HDAC9: variants seen among roughly 807,000 people sequenced by gnomAD.
The protein encoded by HDAC9 is MEF-2 interacting transcription repressor (MITR) protein.
HDAC9 carries 41 observed loss-of-function variants against 139.4 expected under a neutral mutation model. The observed-to-expected ratio is 0.29, with a 90% confidence interval of 0.23 to 0.38. HDAC9 has a LOEUF of 0.38. Among genes scored for constraint, HDAC9 ranks in the 10% least tolerant of loss-of-function variants. The pLI is 1.00. For missense variants in HDAC9, 1,147 were observed against 1,297.0 expected (o/e 0.88, Z 1.78); for synonymous variants, 517 against 476.2 (o/e 1.09, Z -1.12).
At chr7:18,716,202 G>A (rs1784687309) in intron 12 of HDAC9, among the ~76,000 whole-genome samples, 1 of 152,162 alleles carries the variant, frequency 6.6e-6, no homozygotes, top group Non-Finnish European at 1.5e-5. Context: ...AACCAGACAA[G>A]GGATGCTAAT....
chr7:18,563,938 C>G (rs897382451), intron 2 of HDAC9, among the ~76,000 whole-genome samples: 1 of 150,800 alleles, frequency 6.6e-6, no homozygotes, highest in Non-Finnish European at 1.5e-5. Flanking sequence ...TAGGTTCAAG[C>G]AATTCTCCTG....
chr7:18,602,734 T>G (rs1834324041), intron 6 of HDAC9, among the ~76,000 whole-genome samples: 1 of 152,112 alleles, frequency 6.6e-6, no homozygotes, highest in Admixed American at 6.5e-5. Context: ...ATTTAATTTC[T>G]AATTACTTGA....
chr7:18,224,683 A>G (rs1166907652), intron 2 of HDAC9, among the ~76,000 whole-genome samples: 1 of 152,176 alleles, frequency 6.6e-6, no homozygotes, highest in Non-Finnish European at 1.5e-5. Flanking sequence ...CCCATAACCA[A>G]GAGAAAGGAG....
At chr7:18,435,845 C>A (rs1585884624) in intron 1 of HDAC9, among the ~76,000 whole-genome samples, 1 of 149,706 alleles carries the variant, frequency 6.7e-6, no homozygotes, top group South Asian at 2.1e-4. Flanking sequence ...ATGTCCAAGA[C>A]ATGTTGCTAA....
At chr7:18,667,706 A>T (rs1203303230) in intron 12 of HDAC9, 1 of 985,130 alleles carries the variant, frequency 1.0e-6, no homozygotes, top group Non-Finnish European at 1.2e-6. Flanking sequence ...TAGGAAAAAA[A>T]ATCTGAGGAT....
At position 18,438,802 on chromosome 7, in the gene HDAC9, T is replaced by C. The variant is rs1194411085; in HGVS notation, c.-41-57460T>C. Among the ~76,000 whole-genome samples the C allele has an allele frequency of 3.3e-5, 5 of 152,168 alleles. No individual in the cohort carries two copies. In the East Asian group the frequency reaches 9.6e-4, roughly 29 times the overall value. On this transcript the variant is annotated intron_variant, in intron 1 of 3. Transcript: ENST00000413509. Reference sequence around the variant, plus strand: ...TTCTATAATCCTGTGAGAGGGACTTTCCCTTTTTATTCTATAAATGTATGA... The same window carrying C: ...TTCTATAATCCTGTGAGAGGGACTTCCCCTTTTTATTCTATAAATGTATGA...
At chr7:18,472,884 A>C (rs1240698086) in intron 1 of HDAC9, among the ~76,000 whole-genome samples, 2 of 152,194 alleles carry the variant, frequency 1.3e-5, no homozygotes, top group Non-Finnish European at 2.9e-5. Context: ...GGTTTATCCC[A>C]GTTGTTTAGA....
rs549910130 is a variant in HDAC9 at position 18,544,041 on chromosome 7, A to G, written c.23-41240A>G. On this transcript the variant is annotated intron_variant, in intron 2 of 25. Coordinates refer to ENST00000686413, the MANE Select transcript of HDAC9 (RefSeq NM_178425.4). ...TAATTTAAGTGTGTAGAATAACATG[A>G]TCTTATTTACGTAGTAAAATACTAA... Among the ~76,000 whole-genome samples the G allele has an allele frequency of 7.2e-4, 110 of 152,336 alleles. 1 individual carries two copies. Among genetic ancestry groups the G allele is most frequent in the African/African-American group, 2.5e-3 (103 of 41,588 alleles).
At chr7:18,690,483 A>G (rs927916783) in intron 12 of HDAC9, among the ~76,000 whole-genome samples, 4 of 152,066 alleles carry the variant, frequency 2.6e-5, no homozygotes, top group Admixed American at 6.6e-5. Context: ...TGGGACAACA[A>G]TCCCTGCCAG....
At chr7:18,985,094 T>C (rs1421297710) in intron 25 of HDAC9, among the ~76,000 whole-genome samples, 1 of 152,098 alleles carries the variant, frequency 6.6e-6, no homozygotes, top group East Asian at 1.9e-4. Context: ...TTATTATACT[T>C]TAAGTTTTAG....
intron 2 of HDAC9, among the ~76,000 whole-genome samples, chr7:18,164,097 T>G (rs1018788714): frequency 6.6e-6 from 1 of 152,212 alleles, no homozygotes; most frequent in Non-Finnish European, 1.5e-5. Flanking sequence ...TATAAATCAT[T>G]CTGCTGTGTT....
At chr7:18,530,676 C>CTCA (rs1363345959) in intron 2 of HDAC9, among the ~76,000 whole-genome samples, 1 of 151,898 alleles carries the variant, frequency 6.6e-6, no homozygotes, top group Non-Finnish European at 1.5e-5. Flanking sequence ...GCATTGTGAA[C>CTCA]TCACCATCTG....
intron 19 of HDAC9, among the ~76,000 whole-genome samples, chr7:18,835,223 T>C (rs952715800): frequency 1.3e-5 from 2 of 152,154 alleles, no homozygotes; most frequent in Admixed American, 1.3e-4. Flanking sequence ...TCGCTGTGGT[T>C]TCCTGATTTT....
intron 1 of HDAC9, among the ~76,000 whole-genome samples, chr7:18,478,998 A>G (rs1795339753): frequency 6.6e-6 from 1 of 152,054 alleles, no homozygotes; most frequent in African/African-American, 2.4e-5. Context: ...TTTAACCATT[A>G]TTAATATATA....
chr7:18,929,938 CAA>C (rs778056495), intron 22 of HDAC9, among the ~76,000 whole-genome samples: 1 of 130,256 alleles, frequency 7.7e-6, no homozygotes, highest in Non-Finnish European at 1.7e-5. Context: ...GACGCCGCCT[CAA>C]AAAAAAAAAT....
At chr7:18,735,833 C>T (rs557442340) in intron 13 of HDAC9, among the ~76,000 whole-genome samples, 89 of 152,308 alleles carry the variant, frequency 5.8e-4, no homozygotes, top group Non-Finnish European at 1.1e-3. Flanking sequence ...GCAGTATGGC[C>T]ATTTTCACGA....
chr7:18,418,393 C>CT (rs908907433), intron 1 of HDAC9, among the ~76,000 whole-genome samples: 1 of 128,864 alleles, frequency 7.8e-6, no homozygotes, highest in South Asian at 2.7e-4. Context: ...AAAAACTTGC[C>CT]TTTTTTTAAA....
At chr7:18,696,055 T>C (rs1319380824) in intron 12 of HDAC9, among the ~76,000 whole-genome samples, 1 of 152,114 alleles carries the variant, frequency 6.6e-6, no homozygotes, top group East Asian at 1.9e-4. Context: ...AACACTATGC[T>C]GTATGTATGA....
At chr7:18,961,722 T>G (rs1783540067) in intron 24 of HDAC9, among the ~76,000 whole-genome samples, 1 of 152,212 alleles carries the variant, frequency 6.6e-6, no homozygotes, top group Admixed American at 6.5e-5. Flanking sequence ...TTCTCTACCC[T>G]GTAAAGTAGT....
Sources: allele counts gnomAD v4.1 joint callset (sites outside exome capture counted in the v4.1 genomes callset), GRCh38; gene constraint gnomAD v4.1.1; transcripts MANE v1.5; gene names NCBI Gene and HGNC (gene_info 2026-07-23, HGNC 2026-07-21).